The following ASCC3 variants were observed in gnomAD, a reference collection of about 807,000 sequenced individuals.
The protein encoded by ASCC3 is activating signal cointegrator 1 complex subunit 3.
A neutral mutation model predicts 256.3 loss-of-function variants in ASCC3; 158 were observed. That is an observed-to-expected ratio of 0.62 (90% confidence interval 0.54 to 0.70). ASCC3 has a LOEUF of 0.70. Among genes scored for constraint, ASCC3 ranks in the 30% least tolerant of loss-of-function variants. The pLI is 0.00. For synonymous variants in ASCC3, 948 were observed against 883.4 expected, an observed-to-expected ratio of 1.07 and a Z score of -1.30; for missense variants, 2,259 against 2,626.0, an observed-to-expected ratio of 0.86 and a Z score of 3.05.
At chr6:100,678,867 T>G (rs1200754777) in intron 14 of ASCC3, among the ~76,000 whole-genome samples, 1 of 152,208 alleles carries the variant, frequency 6.6e-6, no homozygotes, top group East Asian at 1.9e-4. Context: ...GACAAAACTT[T>G]AATTACAAAA....
At chr6:100,848,109 T>C (rs1186350939) in intron 4 of ASCC3, 39 bp downstream of exon 4, 1 of 1,518,038 alleles carries the variant, frequency 6.6e-7, no homozygotes, top group East Asian at 2.3e-5. Context: ...ATTAGGATAG[T>C]TCACATTAAT....
chr6:100,595,773 A>T (rs998604435), intron 34 of ASCC3, among the ~76,000 whole-genome samples: 3 of 152,220 alleles, frequency 2.0e-5, no homozygotes, highest in Non-Finnish European at 2.9e-5. Context: ...AATGAGGATC[A>T]TAACAGTACT....
chr6:100,736,434 G>A, intron 10 of ASCC3, among the ~76,000 whole-genome samples: 1 of 151,942 alleles, frequency 6.6e-6, no homozygotes, highest in East Asian at 1.9e-4. Context: ...CAGGGAGGCG[G>A]AGGTTTCAGT....
At chr6:100,529,456 G>A (rs935870677) in intron 37 of ASCC3, among the ~76,000 whole-genome samples, 1 of 152,110 alleles carries the variant, frequency 6.6e-6, no homozygotes, top group East Asian at 1.9e-4. Context: ...TAATAAAGCA[G>A]TTACAAATAT....
chr6:100,856,921 T>C (rs1379233045), intron 3 of ASCC3: 1 of 152,154 alleles, frequency 6.6e-6, no homozygotes, highest in East Asian at 1.9e-4. Context: ...GATATACATG[T>C]ATGTACAAGC....
intron 1 of ASCC3, among the ~76,000 whole-genome samples, chr6:100,875,196 TG>T (rs1773940066): frequency 6.6e-6 from 1 of 152,090 alleles, no homozygotes; most frequent in African/African-American, 2.4e-5. Context: ...CATAAAAGGA[TG>T]GATTTAGGAG....
chr6:100,867,637 G>A (rs1319979805), intron 2 of ASCC3, among the ~76,000 whole-genome samples: 4 of 151,980 alleles, frequency 2.6e-5, no homozygotes, highest in Non-Finnish European at 4.4e-5. Context: ...AGTTACAAAC[G>A]TAACTGTGGT....
At chr6:100,602,356 G>A (rs1290706378) in intron 33 of ASCC3, among the ~76,000 whole-genome samples, 4 of 152,010 alleles carry the variant, frequency 2.6e-5, no homozygotes, top group African/African-American at 9.7e-5. Context: ...TTTGTTGAAA[G>A]CAATCACTAG....
chr6:100,700,692 C>A (rs1377043787), intron 13 of ASCC3, among the ~76,000 whole-genome samples: 2 of 152,206 alleles, frequency 1.3e-5, no homozygotes, highest in African/African-American at 4.8e-5. Flanking sequence ...CAAAGGAGAT[C>A]ATTTTGGAGG....
At chr6:100,526,368 G>A (rs973480596) in intron 37 of ASCC3, among the ~76,000 whole-genome samples, 2 of 152,096 alleles carry the variant, frequency 1.3e-5, no homozygotes, top group East Asian at 1.9e-4. Context: ...TTGTTATGTG[G>A]GTATAAGGAG....
intron 3 of ASCC3, among the ~76,000 whole-genome samples, chr6:100,852,640 T>G (rs1214731476): frequency 1.3e-5 from 2 of 152,230 alleles, no homozygotes; most frequent in Admixed American, 1.3e-4. Flanking sequence ...AATCAGGATT[T>G]TAAGTTTAGA....
intron 8 of ASCC3, among the ~76,000 whole-genome samples, chr6:100,776,826 A>G (rs1172743273): frequency 6.6e-6 from 1 of 152,084 alleles, no homozygotes; most frequent in Non-Finnish European, 1.5e-5. Flanking sequence ...TAGTGTAAAT[A>G]TCATAAGCTT....
At chr6:100,566,114 A>G (rs1317733515) in intron 36 of ASCC3, among the ~76,000 whole-genome samples, 1 of 152,194 alleles carries the variant, frequency 6.6e-6, no homozygotes, top group East Asian at 1.9e-4. Context: ...AACACAGCAC[A>G]ACACAAAACA....
chr6:100,596,151 C>T (rs1772284286), intron 34 of ASCC3, among the ~76,000 whole-genome samples: 1 of 151,958 alleles, frequency 6.6e-6, no homozygotes, highest in African/African-American at 2.4e-5. Context: ...ATTTTTTTGC[C>T]ATCCCTTTTA....
Position 100,650,643 on chromosome 6 carries a change from A to C in ASCC3, c.3147T>G (p.Gly1049=), listed in dbSNP as rs771062773. 10 of 1,612,004 alleles carry C rather than the reference A, an allele frequency of 6.2e-6. No homozygotes were observed. Among genetic ancestry groups the C allele is most frequent in the South Asian group, 3.3e-5 (3 of 91,024 alleles). ...SNFCELSTPG[G]VENSYGKINI... Reference sequence around the variant, plus strand: ...TTATTTTCCCATAACTATTCTCTACACCTCCAGGAGTGGAGAGTTCACAAA... The same window carrying C: ...TTATTTTCCCATAACTATTCTCTACCCCTCCAGGAGTGGAGAGTTCACAAA... The change falls in exon 20 of 42, where the codon GGT becomes GGG. Residue 1049 remains glycine (G), a synonymous_variant. Coordinates refer to ENST00000369162, the MANE Select transcript of ASCC3 (RefSeq NM_006828.4).
intron 36 of ASCC3, among the ~76,000 whole-genome samples, chr6:100,543,338 G>C (rs1258554648): frequency 6.6e-6 from 1 of 151,910 alleles, no homozygotes; most frequent in Non-Finnish European, 1.5e-5. Flanking sequence ...GAATATTTTC[G>C]ATCTGCAATT....
intron 34 of ASCC3, among the ~76,000 whole-genome samples, chr6:100,596,480 T>G (rs943592556): frequency 6.6e-6 from 1 of 152,220 alleles, no homozygotes; most frequent in Non-Finnish European, 1.5e-5. Context: ...TGATGTTATT[T>G]TTAGTCTCTC....
chr6:100,616,993 G>A (rs571315646), intron 30 of ASCC3, among the ~76,000 whole-genome samples: 2 of 142,448 alleles, frequency 1.4e-5, no homozygotes, highest in Non-Finnish European at 3.0e-5. Flanking sequence ...TGTTGTTGTC[G>A]TTGTTGTTGT....
At chr6:100,844,957 T>C (rs186201392) in intron 4 of ASCC3, among the ~76,000 whole-genome samples, 1 of 152,268 alleles carries the variant, frequency 6.6e-6, no homozygotes, top group East Asian at 1.9e-4. Context: ...TTATTAAAAT[T>C]TATCTTTAAC....
Sources: allele counts gnomAD v4.1 joint callset (sites outside exome capture counted in the v4.1 genomes callset), GRCh38; gene constraint gnomAD v4.1.1; transcripts MANE v1.5; gene names NCBI Gene and HGNC (gene_info 2026-07-23, HGNC 2026-07-21).